The following PDZD7 variants were observed in gnomAD, a reference collection of about 807,000 sequenced individuals.
The protein encoded by PDZD7 is PDZ domain-containing protein 7.
PDZD7 carries 72 observed loss-of-function variants against 84.7 expected under a neutral mutation model. The ratio of observed to expected loss-of-function variants is 0.85; its 90% CI spans 0.70 to 1.03. PDZD7 has a LOEUF of 1.03. Ranked by LOEUF, PDZD7 falls within the 50% of genes least tolerant of loss-of-function variation. The pLI, the probability that PDZD7 is intolerant of heterozygous loss-of-function variation, is 0.00. For synonymous variants in PDZD7, 594 were observed against 580.7 expected (o/e 1.02, Z -0.33); for missense variants, 1,490 against 1,412.9 (o/e 1.05, Z -0.87).
rs1417962390 is a variant in PDZD7, at chr10:101,030,166, G to T, written c.54C>A (p.Ser18Arg). 6 of 1,613,850 alleles carry T rather than the reference G, an allele frequency of 3.7e-6. No individual in the cohort carries two copies. The highest frequency in any genetic ancestry group is 5.1e-6 in the Non-Finnish European group (6 of 1,179,958). Residue 18 changes from serine (S) to arginine (R), a missense_variant, in exon 2 of 17, where the codon AGC becomes AGA. By Grantham distance (110) the Ser-to-Arg change is moderately radical. Transcript: ENST00000619208. ...GFDPLGLGDL[S>R]SGSLSSLSSR... ...AGGAGAGGGAGCTCAGAGAGCCGGA[G>T]CTCAGGTCTCCTAGGCCCAGTGGGT...
chr10:101,011,981 T>C lies in PDZD7; in HGVS notation c.1877A>G (p.Asp626Gly), dbSNP rs1852408876. The C allele has an allele frequency of 6.5e-7, 1 of 1,550,328 alleles. No individual in the cohort carries two copies. The change falls in exon 13 of 17, where the codon GAC (aspartate) becomes GGC (glycine). Residue 626 changes from aspartate to glycine, a missense_variant. Physicochemically the swap from Asp to Gly is moderately conservative, Grantham distance 94 (BLOSUM62 -1). Transcript: ENST00000619208. ...CAGCTCCACAAGCATCACCATGCTG[T>C]CGAAGCGGCCCAGGTCTGTGGGGGC... is the stretch of plus-strand genomic sequence containing the variant. Reference protein sequence around the residue: ...VVAPTDLGRFDSMVMLVELEA... With the variant: ...VVAPTDLGRFGSMVMLVELEA...
At chr10:101,028,435 A>G (rs140382226) in intron 2 of PDZD7, among the ~76,000 whole-genome samples, 1 of 152,238 alleles carries the variant, frequency 6.6e-6, no homozygotes, top group East Asian at 1.9e-4. Flanking sequence ...AAAAAATAAA[A>G]TAAAATAAAA....
At position 101,022,218 on chromosome 10, in the gene PDZD7, T is replaced by C; in HGVS notation, c.710A>G (p.Tyr237Cys). ...CTGCCTCAGCCCTCACTTGGACACA[T>C]AGATGCCCAGGCCAAACTCCTTGCC... ...RGGKEFGLGI[Y>C]VSKVDHGGLA... Residue 237 changes from tyrosine (Y) to cysteine (C), a missense_variant, in exon 5 of 17, where the codon TAT becomes TGT. Coordinates refer to ENST00000619208, the MANE Select transcript of PDZD7 (RefSeq NM_001195263.2). The C allele has an allele frequency of 1.2e-6, 2 of 1,614,130 alleles. No individual in the cohort carries two copies. The highest frequency in any genetic ancestry group is 2.2e-5 in the East Asian group (1 of 44,872).
chr10:101,017,625 G>A, intron 9 of PDZD7: 1 of 701,024 alleles, frequency 1.4e-6, no homozygotes, highest in Non-Finnish European at 2.6e-6. Context: ...TCTACAAAAA[G>A]ATGCAAAAAA....
At chr10:101,011,565 A>G in intron 14 of PDZD7, 125 bp downstream of exon 14, 2 of 1,461,352 alleles carry the variant, frequency 1.4e-6, no homozygotes, top group South Asian at 2.8e-5. Flanking sequence ...GCTTTCCTTC[A>G]GGGAACCACA....
In PDZD7 at chr10:101,021,855, G is replaced by T. The variant is rs1853122302; in HGVS notation, c.810C>A (p.Ser270Arg). 1 of 1,614,174 alleles carries T rather than the reference G, an allele frequency of 6.2e-7. No homozygotes were observed. The highest frequency in any genetic ancestry group is 1.1e-5 in the South Asian group (1 of 91,082). Reference protein sequence around the residue: ...AANGVRFDDISHSQAVEVLKG... With the variant: ...AANGVRFDDIRHSQAVEVLKG... ...TCAGCACCTCCACGGCCTGGCTGTG[G>T]CTGATGTCGTCAAACCTGACACCGT... The change falls in exon 6 of 17, where the codon AGC becomes AGA. Residue 270 changes from serine to arginine, a missense_variant. Ser to Arg is a moderately radical substitution (Grantham distance 110). Transcript: ENST00000619208.
intron 11 of PDZD7, among the ~76,000 whole-genome samples, 172 bp downstream of exon 11, chr10:101,015,464 A>ATGTGTG (rs10579208): frequency 4.6e-4 from 69 of 149,780 alleles, no homozygotes; most frequent in Non-Finnish European, 6.7e-4. Flanking sequence ...GAGCTGGCAG[A>ATGTGTG]TGTGTGTGTG....
intron 2 of PDZD7, among the ~76,000 whole-genome samples, chr10:101,028,344 T>C (rs1411826542): frequency 6.6e-6 from 1 of 152,072 alleles, no homozygotes; most frequent in Non-Finnish European, 1.5e-5. Context: ...TCCCAGCACT[T>C]TGGGAGGCTG....
intron 2 of PDZD7, among the ~76,000 whole-genome samples, chr10:101,028,248 G>A (rs1937835187): frequency 6.6e-6 from 1 of 152,164 alleles, no homozygotes; most frequent in South Asian, 2.1e-4. Context: ...CTAGCATGAG[G>A]CAGAGGGAGA....
At chr10:101,020,553 G>A in intron 7 of PDZD7, 65 bp downstream of exon 7, 1 of 1,466,354 alleles carries the variant, frequency 6.8e-7, no homozygotes, top group Middle Eastern at 1.8e-4. Flanking sequence ...CTTCTTCAGA[G>A]AGCCGGGCCC....
intron 2 of PDZD7, among the ~76,000 whole-genome samples, chr10:101,024,307 G>A (rs997489771): frequency 6.6e-6 from 1 of 152,132 alleles, no homozygotes; most frequent in Non-Finnish European, 1.5e-5. Flanking sequence ...GCAGTGGTGT[G>A]ATCATGGCTC....
At chr10:101,026,545 A>G (rs950188651) in intron 2 of PDZD7, among the ~76,000 whole-genome samples, 11 of 151,792 alleles carry the variant, frequency 7.2e-5, no homozygotes, top group African/African-American at 2.7e-4. Context: ...TGGGCCCTTG[A>G]GGAGGCCTTC....
intron 2 of PDZD7, among the ~76,000 whole-genome samples, chr10:101,024,972 C>T (rs1171046678): frequency 6.6e-6 from 1 of 151,816 alleles, no homozygotes; most frequent in Non-Finnish European, 1.5e-5. Context: ...GTTCAGGATT[C>T]TGTTCTATGG....
chr10:101,009,257 G>A lies in PDZD7; in HGVS notation c.2711C>T (p.Ala904Val), dbSNP rs1196241054. 2 of 1,535,514 alleles carry A rather than the reference G, an allele frequency of 1.3e-6. No individual in the cohort carries two copies. The highest frequency in any genetic ancestry group is 1.2e-5 in the South Asian group (1 of 84,052). The change falls in exon 16 of 17, where the codon GCC becomes GTC. Residue 904 changes from alanine (A) to valine (V), a missense_variant. Ala to Val is a moderately conservative substitution (Grantham distance 64). Transcript: ENST00000619208. ...FPGGAAFLSG[A>V]LQAGFELVAV... ...AGGGCATGCTTCACCCACCTGCAGG[G>A]CCCCACTGAGGAAAGCGGCCCCCCC...
Position 101,015,654 on chromosome 10 carries a change from G to A in PDZD7, c.1731C>T (p.Val577=), listed in dbSNP as rs1291329129. ...GGCTTACCCGGGAGCAGTGGCGGGT[G>A]ACAGCCAGCACCTCGTCATCAGTCA... The part of the protein sequence containing the change: ...RLLTDDEVLA[V]TRHCSRYVHE... The change falls in exon 11 of 17, where the codon GTC becomes GTT. Residue 577 remains valine (V), a synonymous_variant. Coordinates refer to ENST00000619208, the MANE Select transcript of PDZD7 (RefSeq NM_001195263.2). The A allele has an allele frequency of 6.5e-7, 1 of 1,549,856 alleles. No homozygotes were observed. Among genetic ancestry groups the A allele is most frequent in the South Asian group, 1.2e-5 (1 of 84,042 alleles).
intron 2 of PDZD7, among the ~76,000 whole-genome samples, chr10:101,028,150 G>A (rs1937828444): frequency 6.6e-6 from 1 of 152,212 alleles, no homozygotes; most frequent in Non-Finnish European, 1.5e-5. Flanking sequence ...GAGGGTCCCA[G>A]TCCAGTCAGA....
Position 101,018,129 on chromosome 10 carries a change from T to C in PDZD7, c.1492A>G (p.Lys498Glu). Residue 498 changes from lysine to glutamate, a missense_variant, in exon 9 of 17, where the codon AAA (lysine) becomes GAA (glutamate). Coordinates refer to ENST00000619208, the MANE Select transcript of PDZD7 (RefSeq NM_001195263.2). ...TCTATGTCCAGGCGAGGGTAAGTTT[T>C]GGCCAGGCTCCCGCTGTCCAGTGTC... ...AWTLDSGSLA[K>E]TYPRLDIEKA... 6.2e-7 allele frequency: 1 copy of C among 1,614,222 alleles called. No individual in the cohort carries two copies. Among genetic ancestry groups the C allele is most frequent in the Non-Finnish European group, 8.5e-7 (1 of 1,180,042 alleles).
chr10:101,015,927 A>G (rs950904739), intron 10 of PDZD7, 116 bp from the exon 11 acceptor site: 1 of 1,170,030 alleles, frequency 8.5e-7, no homozygotes, highest in Non-Finnish European at 1.2e-6. Flanking sequence ...CCTAGCCTAT[A>G]TGCTCCCCAC....
At chr10:101,023,849 T>G in intron 3 of PDZD7, 79 bp downstream of exon 3, 1 of 1,607,904 alleles carries the variant, frequency 6.2e-7, no homozygotes, top group East Asian at 2.2e-5. Flanking sequence ...CGTCTGTCCC[T>G]GACAGCAGCA....
Sources: gnomAD v4.1 joint callset for allele counts (sites outside exome capture counted in the v4.1 genomes callset) on GRCh38, gnomAD v4.1.1 for gene constraint, MANE v1.5 for transcripts, NCBI Gene and HGNC (gene_info 2026-07-23, HGNC 2026-07-21) for gene names.